SLC16A12: variants seen among roughly 807,000 people sequenced by gnomAD.
The protein encoded by SLC16A12 is solute carrier family 16 member 12.
SLC16A12 carries 17 observed loss-of-function variants against 42.4 expected under a neutral mutation model. The ratio of observed to expected loss-of-function variants is 0.40; its 90% CI spans 0.27 to 0.60. The LOEUF (loss-of-function observed/expected upper bound fraction) is 0.60, where lower values mean the gene tolerates loss of function less well. Among genes scored for constraint, SLC16A12 ranks in the 20% least tolerant of loss-of-function variants. SLC16A12 has a pLI of 0.42. For synonymous variants in SLC16A12, 224 were observed against 229.4 expected (o/e 0.98, Z 0.21); for missense variants, 544 against 623.0 (o/e 0.87, Z 1.35).
At chr10:89,442,439 G>T (rs1389794414) in intron 4 of SLC16A12, among the ~76,000 whole-genome samples, 1 of 152,112 alleles carries the variant, frequency 6.6e-6, no homozygotes, top group Non-Finnish European at 1.5e-5. Flanking sequence ...GGTCACCTAA[G>T]GTCATTTCCT....
chr10:89,468,041 T>G (rs963153529), intron 2 of SLC16A12: 1 of 152,224 alleles, frequency 6.6e-6, no homozygotes, highest in Non-Finnish European at 1.5e-5. Context: ...CATCTTCTGT[T>G]TGGCATTTCC....
chr10:89,539,951 TTTCTTTC>T (rs1263835316), upstream of SLC16A12, among the ~76,000 whole-genome samples: 12 of 147,710 alleles, frequency 8.1e-5, no homozygotes, highest in African/African-American at 2.6e-4. Flanking sequence ...CTTCTTTCTC[TTTCTTTC>T]TTCTTTCTTT....
intron 2 of SLC16A12, among the ~76,000 whole-genome samples, chr10:89,524,692 C>T (rs541323421): frequency 2.0e-5 from 3 of 152,164 alleles, no homozygotes; most frequent in Non-Finnish European, 4.4e-5. Flanking sequence ...TCCTCAAAGG[C>T]TTTCCATCTC....
At chr10:89,435,783 C>G (rs539731990) in intron 7 of SLC16A12, among the ~76,000 whole-genome samples, 1 of 152,204 alleles carries the variant, frequency 6.6e-6, no homozygotes, top group East Asian at 1.9e-4. Context: ...ACTGCTCCAT[C>G]CCCCTGCTCC....
At chr10:89,542,768 T>C (rs1458862096) in intron 2 of SLC16A12, among the ~76,000 whole-genome samples, 6 of 152,180 alleles carry the variant, frequency 3.9e-5, no homozygotes, top group Non-Finnish European at 7.4e-5. Context: ...TTATATTCTT[T>C]CTACTGGAAA....
At chr10:89,446,757 A>G (rs189423661) in intron 3 of SLC16A12, among the ~76,000 whole-genome samples, 1 of 152,328 alleles carries the variant, frequency 6.6e-6, no homozygotes, top group East Asian at 1.9e-4. Flanking sequence ...CACATACAAC[A>G]TATTAACCTT....
intron 2 of SLC16A12, among the ~76,000 whole-genome samples, chr10:89,506,656 ACAGCTTCTT>A (rs1407608505): frequency 6.6e-6 from 1 of 152,136 alleles, no homozygotes; most frequent in Admixed American, 6.5e-5. Flanking sequence ...CAAAAACCAG[ACAGCTTCTT>A]CTCCTACAAA....
intron 3 of SLC16A12, among the ~76,000 whole-genome samples, chr10:89,451,432 A>G (rs1017600064): frequency 3.3e-5 from 5 of 151,818 alleles, no homozygotes; most frequent in African/African-American, 1.2e-4. Context: ...TTTTTTTGAA[A>G]CAGAGTTTTA....
chr10:89,452,940 G>A (rs1016545033), intron 3 of SLC16A12, among the ~76,000 whole-genome samples: 3 of 152,218 alleles, frequency 2.0e-5, no homozygotes, highest in African/African-American at 7.2e-5. Flanking sequence ...GGGGACCTAA[G>A]AACTGACAGC....
At chr10:89,519,348 T>G (rs1167885125) in intron 2 of SLC16A12, among the ~76,000 whole-genome samples, 1 of 152,038 alleles carries the variant, frequency 6.6e-6, no homozygotes, top group Non-Finnish European at 1.5e-5. Context: ...AACCTGCACA[T>G]GTATCCCCTA....
chr10:89,527,813 A>G (rs749302094), intron 2 of SLC16A12, among the ~76,000 whole-genome samples: 37 of 142,826 alleles, frequency 2.6e-4, no homozygotes, highest in Non-Finnish European at 5.3e-4. Context: ...TAAAAAAAAA[A>G]AGAGAGAGAG....
chr10:89,434,148 C>A (rs922760754), intron 7 of SLC16A12, among the ~76,000 whole-genome samples: 1 of 151,996 alleles, frequency 6.6e-6, no homozygotes, highest in Non-Finnish European at 1.5e-5. Flanking sequence ...TGTTATAAGC[C>A]CCACAAAATT....
upstream of SLC16A12, among the ~76,000 whole-genome samples, chr10:89,539,323 C>T (rs1036806932): frequency 1.3e-5 from 2 of 152,208 alleles, no homozygotes; most frequent in Non-Finnish European, 2.9e-5. Context: ...TTCTAACTTT[C>T]TCCCTTCCTC....
At chr10:89,474,540 G>T (rs568485333) in intron 2 of SLC16A12, among the ~76,000 whole-genome samples, 1 of 152,262 alleles carries the variant, frequency 6.6e-6, no homozygotes, top group East Asian at 1.9e-4. Context: ...CATCAGAGAG[G>T]TCTAATCTTC....
Position 89,438,849 on chromosome 10 carries a change from T to C in SLC16A12, c.783A>G (p.Glu261=). 1 of 1,614,188 alleles carries C rather than the reference T, an allele frequency of 6.2e-7. No homozygotes were observed. The highest frequency in any genetic ancestry group is 8.5e-7 in the Non-Finnish European group (1 of 1,180,034). ...RVSPYSSLTK[E]WAQTCLCCCL... ...AGCAACAGAGGCAAGTCTGTGCCCA[T>C]TCTTTGGTCAAAGATGAATAGGGAG... Residue 261 remains glutamate (E), a synonymous_variant, in exon 6 of 8, where the codon GAA becomes GAG. Coordinates refer to ENST00000371790, the MANE Select transcript of SLC16A12 (RefSeq NM_213606.4).
At chr10:89,436,533 A>C (rs537383071) in intron 6 of SLC16A12, among the ~76,000 whole-genome samples, 11 of 152,164 alleles carry the variant, frequency 7.2e-5, no homozygotes, top group Non-Finnish European at 1.5e-4. Context: ...TATATACTTC[A>C]AAATTAGAAA....
intron 2 of SLC16A12, among the ~76,000 whole-genome samples, chr10:89,532,522 C>G (rs1843571665): frequency 6.6e-6 from 1 of 152,174 alleles, no homozygotes; most frequent in African/African-American, 2.4e-5. Context: ...ATTATTATAT[C>G]ATTTCAATGG....
intron 2 of SLC16A12, among the ~76,000 whole-genome samples, chr10:89,487,155 T>C (rs1367483295): frequency 6.6e-6 from 1 of 152,238 alleles, no homozygotes; most frequent in Non-Finnish European, 1.5e-5. Flanking sequence ...ACAACCATCC[T>C]GAGGCAAGGC....
At chr10:89,552,131 T>G (rs1429623356) in intron 2 of SLC16A12, among the ~76,000 whole-genome samples, 1 of 152,136 alleles carries the variant, frequency 6.6e-6, no homozygotes, top group Non-Finnish European at 1.5e-5. Context: ...AGACAGGGTT[T>G]CACCATATTG....
Sources: allele counts gnomAD v4.1 joint callset (sites outside exome capture counted in the v4.1 genomes callset), GRCh38; gene constraint gnomAD v4.1.1; transcripts MANE v1.5; gene names NCBI Gene and HGNC (gene_info 2026-07-23, HGNC 2026-07-21).